ING3: variants seen among roughly 807,000 people sequenced by gnomAD.
ING3 encodes the protein inhibitor of growth family member 3.
In ING3, 6 loss-of-function variants were observed where a neutral mutation model predicts 64.8. The observed-to-expected ratio is 0.09, with a 90% CI of 0.05 to 0.18. ING3 has a LOEUF of 0.18. Ranked by LOEUF, ING3 falls within the 10% of genes least tolerant of loss-of-function variation. The pLI is 1.00. For missense variants in ING3, 310 were observed against 489.7 expected (o/e 0.63, Z 3.46); for synonymous variants, 170 against 173.7 (o/e 0.98, Z 0.17).
Position 120,955,508 on chromosome 7 carries a change from A to G in ING3, c.202-51A>G, listed in dbSNP as rs752994802. On this transcript the variant is annotated intron_variant, in intron 3 of 11. Transcript: ENST00000315870. ...AATGCAGTTGTATGTCCTGCATATG[A>G]ATATTTTAAAATGATTAATTTATTT... 3.3e-5 allele frequency: 40 copies of G among 1,209,862 alleles called. 1 individual carries two copies. The Admixed American group carries it at 4.1e-4, about 12-fold the overall frequency. The allele number at this position is 1,209,862 out of a possible 1,614,324, so 74.9% of individuals were successfully genotyped here.
chr7:120,955,829 TA>T, intron 4 of ING3: 2 of 586,758 alleles, frequency 3.4e-6, no homozygotes, highest in Non-Finnish European at 6.0e-6. Context: ...GTGAGAACTG[TA>T]CATTTTAGCA....
At chr7:120,959,604 C>T (rs994570927) in intron 4 of ING3, among the ~76,000 whole-genome samples, 1 of 149,670 alleles carries the variant, frequency 6.7e-6, no homozygotes, top group Non-Finnish European at 1.5e-5. Flanking sequence ...CTGAAAGTCA[C>T]CCTATACTCC....
chr7:120,974,164 G>T (rs914625784), intron 11 of ING3, among the ~76,000 whole-genome samples: 3 of 152,070 alleles, frequency 2.0e-5, no homozygotes, highest in Admixed American at 6.6e-5. Context: ...ATGCTTCTCT[G>T]ATTCTTCTTA....
At chr7:120,955,143 T>G (rs1795826194) in intron 3 of ING3, among the ~76,000 whole-genome samples, 1 of 152,176 alleles carries the variant, frequency 6.6e-6, no homozygotes, top group African/African-American at 2.4e-5. Flanking sequence ...GTTTTTTGTT[T>G]TTTTGAGACA....
At chr7:120,970,936 A>G in intron 10 of ING3, 56 bp downstream of exon 10, 2 of 1,421,302 alleles carry the variant, frequency 1.4e-6, no homozygotes, top group Non-Finnish European at 2.0e-6. Context: ...AAGGAAGAGA[A>G]CTATTTCATT....
intron 3 of ING3, among the ~76,000 whole-genome samples, chr7:120,954,841 A>G (rs1795822577): frequency 6.6e-6 from 1 of 152,230 alleles, no homozygotes; most frequent in Non-Finnish European, 1.5e-5. Flanking sequence ...GTTATAGAAC[A>G]ACTGGAAAAT....
At position 120,967,626 on chromosome 7, in the gene ING3, T is replaced by C. The variant is rs1329937060; in HGVS notation, c.534T>C (p.Asp178=). Residue 178 remains aspartate (D), a synonymous_variant, in exon 7 of 12, where the codon GAT becomes GAC. Transcript: ENST00000315870. ...SEALLSTLTS[D]ASKENTLGCR... ...CTCTTCTATCCACCCTTACGTCAGA[T>C]GCCTCTAAGGAAAATACACTAGGTA... 1.2e-6 allele frequency: 2 copies of C among 1,602,756 alleles called. No homozygotes were observed. The highest frequency in any genetic ancestry group is 2.7e-5 in the African/African-American group (2 of 74,228).
At chr7:120,964,860 C>G (rs1795977686) in intron 5 of ING3, 22 bp downstream of exon 5, 2 of 1,571,318 alleles carry the variant, frequency 1.3e-6, no homozygotes, top group African/African-American at 1.4e-5. Context: ...TTACAGTTTT[C>G]CATCAATATT....
At chr7:120,953,195 A>G in intron 2 of ING3, 109 bp from the exon 3 acceptor site, 1 of 549,730 alleles carries the variant, frequency 1.8e-6, no homozygotes, top group Non-Finnish European at 3.2e-6. Flanking sequence ...AGTTACTGGC[A>G]AGGTGAAAGA....
intron 1 of ING3, 38 bp from the exon 2 acceptor site, chr7:120,951,126 G>A: frequency 1.9e-6 from 3 of 1,608,396 alleles, no homozygotes; most frequent in Non-Finnish European, 2.6e-6. Flanking sequence ...GTATTTCGCC[G>A]TTGGCCCCGC....
intron 1 of ING3, 86 bp downstream of exon 1, chr7:120,951,010 G>A (rs1737854609): frequency 2.0e-6 from 3 of 1,524,498 alleles, no homozygotes; most frequent in East Asian, 2.3e-5. Flanking sequence ...ATGGCGGGAG[G>A]GAGGGGGCGG....
intron 4 of ING3, among the ~76,000 whole-genome samples, chr7:120,957,661 C>T (rs913533993): frequency 6.6e-6 from 1 of 152,072 alleles, no homozygotes; most frequent in Non-Finnish European, 1.5e-5. Context: ...GCATTTCACT[C>T]AGAGATAATG....
intron 11 of ING3, among the ~76,000 whole-genome samples, chr7:120,973,759 T>A (rs1261252070): frequency 6.6e-6 from 1 of 152,170 alleles, no homozygotes; most frequent in Admixed American, 6.6e-5. Context: ...AAGGAAGGAA[T>A]TCTTGGTTTT....
intron 1 of ING3, 37 bp from the exon 2 acceptor site, chr7:120,951,127 T>C (rs768955019): frequency 3.5e-5 from 56 of 1,609,486 alleles, no homozygotes; most frequent in Non-Finnish European, 4.4e-5. Context: ...TATTTCGCCG[T>C]TGGCCCCGCC....
Position 120,955,584 on chromosome 7 carries a change from C to G in ING3, c.227C>G (p.Ala76Gly). The stretch of plus-strand genomic sequence containing the variant: ...GACTACTATAAAGCTTTGGAAGATG[C>G]AGATGAGAAGGTTCAGTTGGCAAAC... Reference protein sequence around the residue: ...KKDYYKALEDADEKVQLANQI... With the variant: ...KKDYYKALEDGDEKVQLANQI... Residue 76 changes from alanine (A) to glycine (G), a missense_variant, in exon 4 of 12, where the codon GCA becomes GGA. Physicochemically the swap from Ala to Gly is moderately conservative, Grantham distance 60 (BLOSUM62 0). This residue lies in a region of ING3 where 53 missense variants were observed against 116.2 expected (regional missense o/e 0.46). Transcript: ENST00000315870. The G allele has an allele frequency of 6.2e-7, 1 of 1,610,760 alleles. No homozygotes were observed. Among genetic ancestry groups the G allele is most frequent in the Non-Finnish European group, 8.5e-7 (1 of 1,177,184 alleles).
chr7:120,967,900 C>A (rs969939322), intron 7 of ING3, 34 bp from the exon 8 acceptor site: 2 of 1,607,094 alleles, frequency 1.2e-6, no homozygotes, highest in Non-Finnish European at 1.7e-6. Flanking sequence ...ATGTTCTCTG[C>A]AACCATTTTT....
At chr7:120,968,828 A>G (rs1796030562) in intron 8 of ING3, among the ~76,000 whole-genome samples, 183 bp from the exon 9 acceptor site, 1 of 144,938 alleles carries the variant, frequency 6.9e-6, no homozygotes, top group African/African-American at 2.6e-5. Context: ...CCCAAGCGAC[A>G]GATTGAAACT....
chr7:120,962,611 C>T (rs776523530), intron 4 of ING3, among the ~76,000 whole-genome samples: 13 of 151,872 alleles, frequency 8.6e-5, no homozygotes, highest in Non-Finnish European at 1.8e-4. Flanking sequence ...TAACACTACC[C>T]CCTCAACCTA....
At chr7:120,963,937 A>AATTTGTGT (rs1310201647) in intron 4 of ING3, among the ~76,000 whole-genome samples, 1 of 152,148 alleles carries the variant, frequency 6.6e-6, no homozygotes, top group African/African-American at 2.4e-5. Flanking sequence ...TTTTTCAAAG[A>AATTTGTGT]ATTTGTGTAT....
Sources: allele counts gnomAD v4.1 joint callset (sites outside exome capture counted in the v4.1 genomes callset), GRCh38; gene constraint gnomAD v4.1.1; regional missense constraint gnomAD v4.1.1; transcripts MANE v1.5; gene names NCBI Gene and HGNC (gene_info 2026-07-23, HGNC 2026-07-21).